DIS3L2: variants seen among roughly 807,000 people sequenced by gnomAD.
DIS3L2 encodes DIS3 like 3'-5' exoribonuclease 2.
DIS3L2 carries 34 observed loss-of-function variants against 97.5 expected under a neutral mutation model. That is an observed-to-expected ratio of 0.35 (90% CI 0.27 to 0.46). The LOEUF (loss-of-function observed/expected upper bound fraction) is 0.46, where lower values mean the gene tolerates loss of function less well. DIS3L2 is among the 20% of genes least tolerant of loss of function. The pLI, the probability that DIS3L2 is intolerant of heterozygous loss-of-function variation, is 1.00. For synonymous variants in DIS3L2, 435 were observed against 445.2 expected, an observed-to-expected ratio of 0.98 and a Z score of 0.29; for missense variants, 1,038 against 1,146.0, an observed-to-expected ratio of 0.91 and a Z score of 1.36.
chr2:232,321,215 A>G (rs1695422462), intron 14 of DIS3L2, among the ~76,000 whole-genome samples: 1 of 152,158 alleles, frequency 6.6e-6, no homozygotes, highest in Admixed American at 6.5e-5. Context: ...TGTGACAACC[A>G]AGGACCCCCA....
At chr2:232,158,403 C>T (rs1427613064) in intron 8 of DIS3L2, among the ~76,000 whole-genome samples, 1 of 152,024 alleles carries the variant, frequency 6.6e-6, no homozygotes, top group Non-Finnish European at 1.5e-5. Context: ...ACCTAAGTGA[C>T]TTAATGAGAC....
intron 6 of DIS3L2, among the ~76,000 whole-genome samples, chr2:232,117,450 G>A (rs1697761205): frequency 6.6e-6 from 1 of 152,190 alleles, no homozygotes; most frequent in Non-Finnish European, 1.5e-5. Flanking sequence ...GGAAGGGAAA[G>A]CACCTTAAAA....
chr2:232,139,619 A>G lies in DIS3L2; in HGVS notation c.950+2900A>G, dbSNP rs549196933. Among the ~76,000 whole-genome samples the G allele has an allele frequency of 5.3e-5, 8 of 152,290 alleles. 1 individual carries two copies. Among genetic ancestry groups the G allele is most frequent in the Admixed American group, 2.0e-4 (3 of 15,286 alleles). ...CTCTTTGAGTTCTACCTACAGTACA[A>G]AACAGAATGTTCTAAGTTCTTCCAT... On this transcript the variant is annotated intron_variant, in intron 8 of 20. Transcript: ENST00000325385.
chr2:232,115,398 T>C lies in DIS3L2; in HGVS notation c.602-15221T>C, dbSNP rs1697676740. On this transcript the variant is annotated intron_variant, in intron 6 of 20. Transcript: ENST00000325385. ...TCAATCTTTATGTCATACGAATGTA[T>C]TGAAAGAGAAAAGTTAAATTTGGTA... 2.6e-5 allele frequency among the ~76,000 whole-genome samples: 4 copies of C among 152,232 alleles called. No individual in the cohort carries two copies. In the South Asian group the frequency reaches 8.3e-4, roughly 32 times the overall value.
intron 13 of DIS3L2, among the ~76,000 whole-genome samples, chr2:232,264,573 T>A (rs1271349876): frequency 6.6e-6 from 1 of 152,176 alleles, no homozygotes; most frequent in Non-Finnish European, 1.5e-5. Context: ...CACTCCTTCC[T>A]TGCTTGTTGT....
chr2:231,965,274 T>G (rs1692677830), intron 1 of DIS3L2, among the ~76,000 whole-genome samples: 1 of 152,206 alleles, frequency 6.6e-6, no homozygotes, highest in African/African-American at 2.4e-5. Flanking sequence ...TCTGAAGTGC[T>G]TCCTATGTAG....
intron 10 of DIS3L2, among the ~76,000 whole-genome samples, chr2:232,217,229 A>G (rs1692365517): frequency 6.6e-6 from 1 of 152,140 alleles, no homozygotes; most frequent in African/African-American, 2.4e-5. Flanking sequence ...ACCTGCTTCC[A>G]CTGTGAAGTA....
chr2:232,248,068 G>A (rs1693313552), intron 11 of DIS3L2, among the ~76,000 whole-genome samples: 2 of 152,288 alleles, frequency 1.3e-5, no homozygotes, highest in South Asian at 2.1e-4. Flanking sequence ...ACTGGTGTGG[G>A]CCATGAGTTC....
At position 231,991,051 on chromosome 2, in the gene DIS3L2, A is replaced by G. The variant is rs138201334; in HGVS notation, c.-93-23784A>G. Among the ~76,000 whole-genome samples, 589 of 151,756 alleles carry G rather than the reference A, an allele frequency of 3.9e-3. 3 individuals are homozygous for G. The highest frequency in any genetic ancestry group is 0.013 in the African/African-American group (541 of 41,352). On this transcript the variant is annotated intron_variant, in intron 1 of 20. Transcript: ENST00000325385. ...CTCCCAAGAAGCTGGGACCATAGGC[A>G]TGAGCCATTGTGCCCGGCTAATTTT...
At chr2:232,165,265 ATAT>A (rs1373240575) in intron 9 of DIS3L2, among the ~76,000 whole-genome samples, 1 of 152,242 alleles carries the variant, frequency 6.6e-6, no homozygotes, top group Non-Finnish European at 1.5e-5. Context: ...TAGCTATAAT[ATAT>A]TATTAAGTCA....
At chr2:232,282,085 A>G (rs1574991780) in intron 13 of DIS3L2, among the ~76,000 whole-genome samples, 2 of 120,660 alleles carry the variant, frequency 1.7e-5, no homozygotes, top group South Asian at 5.2e-4. Flanking sequence ...CCTTGCTTGC[A>G]CCCTCCCTCC....
intron 6 of DIS3L2, among the ~76,000 whole-genome samples, chr2:232,090,292 T>C (rs1011920260): frequency 6.6e-6 from 1 of 152,096 alleles, no homozygotes; most frequent in African/African-American, 2.4e-5. Context: ...GCTGTATGCA[T>C]GTTTCTTTCC....
intron 14 of DIS3L2, among the ~76,000 whole-genome samples, chr2:232,319,157 G>C (rs1246874162): frequency 6.6e-6 from 1 of 152,128 alleles, no homozygotes; most frequent in Non-Finnish European, 1.5e-5. Flanking sequence ...TGGCACACAA[G>C]ACACTGTGGT....
intron 12 of DIS3L2, among the ~76,000 whole-genome samples, chr2:232,252,332 C>T (rs370707994): frequency 1.3e-5 from 2 of 151,978 alleles, no homozygotes; most frequent in Non-Finnish European, 2.9e-5. Flanking sequence ...TCACTTGAAC[C>T]CGGGAGGTGG....
intron 1 of DIS3L2, among the ~76,000 whole-genome samples, chr2:231,981,596 TTTTATATATATATATATATATA>T (rs1693257571): frequency 2.1e-5 from 1 of 48,004 alleles, no homozygotes; most frequent in Non-Finnish European, 4.4e-5. Context: ...CTGTTAAGTA[TTTTATATATATATATATATATA>T]TATATATATA....
At chr2:232,203,876 A>C (rs1266973445) in intron 9 of DIS3L2, among the ~76,000 whole-genome samples, 2 of 152,196 alleles carry the variant, frequency 1.3e-5, no homozygotes, top group Non-Finnish European at 2.9e-5. Context: ...GGTAGAGTTA[A>C]GTAGCCCACT....
intron 1 of DIS3L2, among the ~76,000 whole-genome samples, chr2:231,975,401 TA>T (rs1161527379): frequency 6.6e-6 from 1 of 151,158 alleles, no homozygotes; most frequent in African/African-American, 2.4e-5. Flanking sequence ...ACTGAGAGGT[TA>T]AAAAAAAGAT....
chr2:232,118,036 A>G (rs988233418), intron 6 of DIS3L2, among the ~76,000 whole-genome samples: 81 of 152,282 alleles, frequency 5.3e-4, no homozygotes, highest in African/African-American at 1.7e-3. Flanking sequence ...ATCTGCTTCC[A>G]GGCTTTTGTG....
chr2:232,095,270 T>A (rs1696972484), intron 6 of DIS3L2, among the ~76,000 whole-genome samples: 1 of 152,222 alleles, frequency 6.6e-6, no homozygotes. Context: ...AAGTGATTTT[T>A]CTCTGGTAAT....
Sources: allele counts gnomAD v4.1 joint callset (sites outside exome capture counted in the v4.1 genomes callset), GRCh38; gene constraint gnomAD v4.1.1; transcripts MANE v1.5; gene names NCBI Gene and HGNC (gene_info 2026-07-23, HGNC 2026-07-21).